The following SNAP91 variants were observed in gnomAD, a reference collection of about 807,000 sequenced individuals.
SNAP91 encodes the protein clathrin coat assembly protein AP180.
In SNAP91, 27 loss-of-function variants were observed where a neutral mutation model predicts 100.3. That is an observed-to-expected ratio of 0.27 (90% CI 0.20 to 0.37). The LOEUF (loss-of-function observed/expected upper bound fraction) is 0.37, where lower values mean the gene tolerates loss of function less well. Ranked by LOEUF, SNAP91 falls within the 10% of genes least tolerant of loss-of-function variation. The pLI, the probability that SNAP91 is intolerant of heterozygous loss-of-function variation, is 1.00. For missense variants in SNAP91, 986 were observed against 1,123.7 expected, an observed-to-expected ratio of 0.88 and a Z score of 1.75; for synonymous variants, 404 against 398.6, an observed-to-expected ratio of 1.01 and a Z score of -0.16.
chr6:83,580,498 T>C lies in SNAP91; in HGVS notation c.2251A>G (p.Lys751Glu), dbSNP rs773201649. The change falls in exon 24 of 30, where the codon AAA becomes GAA. Residue 751 changes from lysine (K) to glutamate (E), a missense_variant. Lys to Glu is a moderately conservative substitution (Grantham distance 56). Coordinates refer to ENST00000369694, the MANE Select transcript of SNAP91 (RefSeq NM_001242792.2). ...VPPSPAMAAS[K>E]ALGSDLDSSL... ...GAATCAAGATCACTTCCAAGGGCTTTGCTGGCTGCCATTGCAGGACTGGGT... is the reference window on the plus strand; with the variant it reads ...GAATCAAGATCACTTCCAAGGGCTTCGCTGGCTGCCATTGCAGGACTGGGT... The C allele has an allele frequency of 1.2e-6, 2 of 1,613,534 alleles. No individual in the cohort carries two copies. The highest frequency in any genetic ancestry group is 1.7e-6 in the Non-Finnish European group (2 of 1,179,828).
chr6:83,689,710 A>G (rs867782255), intron 2 of SNAP91: 1 of 152,120 alleles, frequency 6.6e-6, no homozygotes, highest in African/African-American at 2.4e-5. Flanking sequence ...TTAGAAAAAA[A>G]TTCATTAAAT....
chr6:83,593,633 G>A lies in SNAP91; in HGVS notation c.1541C>T (p.Thr514Ile), dbSNP rs1198688151. The change falls in exon 18 of 30, where the codon ACA (threonine) becomes ATA (isoleucine). Residue 514 changes from threonine (T) to isoleucine (I), a missense_variant. By Grantham distance (89) the Thr-to-Ile change is moderately conservative. This residue lies in a region of SNAP91 where 575 missense variants were observed against 579.9 expected (regional missense o/e 0.99). Coordinates refer to ENST00000369694, the MANE Select transcript of SNAP91 (RefSeq NM_001242792.2). ...SVPVVTPTAS[T>I]APPVPATAPS... ...AGCAGTTGCGGGAACTGGAGGGGCT[G>A]TGCTAGCTGTAGGGGTAACTACAGG... 6 of 1,612,418 alleles carry A rather than the reference G, an allele frequency of 3.7e-6. No homozygotes were observed. The highest frequency in any genetic ancestry group is 5.1e-6 in the Non-Finnish European group (6 of 1,179,156).
chr6:83,591,791 G>A (rs1356414680), intron 21 of SNAP91, among the ~76,000 whole-genome samples: 1 of 152,172 alleles, frequency 6.6e-6, no homozygotes, highest in South Asian at 2.1e-4. Flanking sequence ...CCTCATGTAC[G>A]CATCATGGAA....
At chr6:83,703,155 TG>T (rs2099337666) in intron 2 of SNAP91, among the ~76,000 whole-genome samples, 1 of 138,926 alleles carries the variant, frequency 7.2e-6, no homozygotes, top group East Asian at 2.5e-4. Context: ...AGTGAGAGGG[TG>T]TGTTTTTTTT....
At chr6:83,574,923 CA>C (rs1440140324) in intron 26 of SNAP91, 86 bp downstream of exon 26, 1 of 806,270 alleles carries the variant, frequency 1.2e-6, no homozygotes, top group African/African-American at 1.7e-5. Flanking sequence ...ACACCGTCGG[CA>C]GCAAAGTTAG....
chr6:83,570,554 GGC>G (rs1491080322), intron 26 of SNAP91, among the ~76,000 whole-genome samples: 13 of 125,200 alleles, frequency 1.0e-4, no homozygotes, highest in African/African-American at 3.9e-4. Flanking sequence ...TTTACGGGGT[GGC>G]GGGGGGGGAA....
At chr6:83,707,523 G>GTA (rs2099396659) in intron 2 of SNAP91, among the ~76,000 whole-genome samples, 1 of 137,914 alleles carries the variant, frequency 7.3e-6, no homozygotes, top group Non-Finnish European at 1.5e-5. Flanking sequence ...TTGTGTGTGT[G>GTA]TATATACATA....
chr6:83,610,854 T>TA (rs949561765), intron 11 of SNAP91, among the ~76,000 whole-genome samples, 177 bp from the exon 12 acceptor site: 3 of 150,668 alleles, frequency 2.0e-5, no homozygotes, highest in Admixed American at 6.6e-5. Flanking sequence ...AGGCTATTTT[T>TA]AAAAAACTTT....
chr6:83,623,186 T>C (rs1437266683), intron 9 of SNAP91, 115 bp downstream of exon 9: 1 of 705,508 alleles, frequency 1.4e-6, no homozygotes, highest in Non-Finnish European at 2.4e-6. Flanking sequence ...TCCAAGAAAG[T>C]TGGTTGGCCT....
chr6:83,658,478 G>A (rs1048425954), intron 6 of SNAP91, among the ~76,000 whole-genome samples: 7 of 152,176 alleles, frequency 4.6e-5, no homozygotes, highest in Non-Finnish European at 8.8e-5. Flanking sequence ...GCATGGTGGC[G>A]GGCGCCTGCA....
intron 22 of SNAP91, among the ~76,000 whole-genome samples, chr6:83,583,576 G>A (rs1322501054): frequency 2.0e-5 from 3 of 152,124 alleles, no homozygotes; most frequent in Non-Finnish European, 4.4e-5. Context: ...TACAGCCTCT[G>A]AAGGAAGTGA....
rs1201150326 is a variant in SNAP91 at position 83,593,724 on chromosome 6, C to T, written c.1450G>A (p.Glu484Lys). The change falls in exon 18 of 30, where the codon GAA (glutamate) becomes AAA (lysine). Residue 484 changes from glutamate (E) to lysine (K), a missense_variant. Transcript: ENST00000369694. ...CSGNDPFAPSEGSAEAAPELD... is the reference protein window; with the variant it reads ...CSGNDPFAPSKGSAEAAPELD... ...TCAGGTGCAGCCTCTGCACTACCTT[C>T]AGACGGGGCAAAGGGGTCTTTTGGA... 1 of 1,586,626 alleles carries T rather than the reference C, an allele frequency of 6.3e-7. No homozygotes were observed. The highest frequency in any genetic ancestry group is 1.3e-5 in the African/African-American group (1 of 74,444).
Position 83,665,601 on chromosome 6 carries a change from TAATC to T in SNAP91, c.131-24_131-21del. The T allele has an allele frequency of 6.3e-7, 1 of 1,597,732 alleles. No homozygotes were observed. The highest frequency in any genetic ancestry group is 8.5e-7 in the Non-Finnish European group (1 of 1,172,588). On this transcript the variant is annotated intron_variant, in intron 2 of 29. Coordinates refer to ENST00000369694, the MANE Select transcript of SNAP91 (RefSeq NM_001242792.2). ...TCAAATCTATGAAAATAGAAGATAT[TAATC>T]AATGATATTAACAATTACATGCAAA...
intron 16 of SNAP91, among the ~76,000 whole-genome samples, chr6:83,598,693 G>A (rs1375399794): frequency 8.5e-5 from 13 of 152,098 alleles, no homozygotes; most frequent in Admixed American, 7.2e-4. Flanking sequence ...CTTACCCATT[G>A]TAGAGAGACA....
chr6:83,705,425 G>C lies in SNAP91; in HGVS notation c.130+2373C>G, dbSNP rs966147815. Among the ~76,000 whole-genome samples the C allele has an allele frequency of 3.3e-5, 5 of 152,210 alleles. No homozygotes were observed. The South Asian group carries it at 6.2e-4, about 19-fold the overall frequency. Reference sequence around the variant, plus strand: ...GGTGTTTTAGAGATTAGACCATTTAGGTTAATATGGTTCATTTTCTCTCCT... The same window carrying C: ...GGTGTTTTAGAGATTAGACCATTTACGTTAATATGGTTCATTTTCTCTCCT... On this transcript the variant is annotated intron_variant, in intron 2 of 29. Coordinates refer to ENST00000369694, the MANE Select transcript of SNAP91 (RefSeq NM_001242792.2).
At chr6:83,610,101 T>G (rs1198919974) in intron 12 of SNAP91, among the ~76,000 whole-genome samples, 1 of 152,062 alleles carries the variant, frequency 6.6e-6, no homozygotes, top group Non-Finnish European at 1.5e-5. Flanking sequence ...CAATTCCACT[T>G]CTGGGTATAT....
At chr6:83,650,895 T>C (rs1445330146) in intron 7 of SNAP91, among the ~76,000 whole-genome samples, 4 of 152,182 alleles carry the variant, frequency 2.6e-5, no homozygotes, top group Non-Finnish European at 5.9e-5. Context: ...GGCCTGATGG[T>C]TTTTGTTTTC....
intron 22 of SNAP91, among the ~76,000 whole-genome samples, chr6:83,583,889 CAT>C (rs1832049618): frequency 6.6e-6 from 1 of 152,068 alleles, no homozygotes; most frequent in Non-Finnish European, 1.5e-5. Flanking sequence ...AGGCTTTCCT[CAT>C]ATGTGTATGA....
chr6:83,643,008 A>G (rs1322339286), intron 7 of SNAP91, among the ~76,000 whole-genome samples: 1 of 152,102 alleles, frequency 6.6e-6, no homozygotes, highest in Non-Finnish European at 1.5e-5. Context: ...GTGTCTGTTC[A>G]TATCCTTTTC....
Sources: gnomAD v4.1 joint callset for allele counts (sites outside exome capture counted in the v4.1 genomes callset) on GRCh38, gnomAD v4.1.1 for gene constraint, gnomAD v4.1.1 regional missense constraint, MANE v1.5 for transcripts, NCBI Gene and HGNC (gene_info 2026-07-23, HGNC 2026-07-21) for gene names.